The following EIF2AK1 variants were observed in gnomAD, a reference collection of about 807,000 sequenced individuals.
The protein encoded by EIF2AK1 is eukaryotic translation initiation factor 2 alpha kinase 1.
Under a neutral mutation model 77.9 loss-of-function variants are expected in EIF2AK1, and 54 were observed. The ratio of observed to expected loss-of-function variants is 0.69; its 90% CI spans 0.56 to 0.87. The LOEUF is 0.87. EIF2AK1 is among the 40% of genes least tolerant of loss of function. EIF2AK1 has a pLI of 0.00. For missense variants in EIF2AK1, 810 were observed against 768.6 expected (o/e 1.05, Z -0.64); for synonymous variants, 314 against 290.5 (o/e 1.08, Z -0.82).
intron 1 of EIF2AK1, among the ~76,000 whole-genome samples, chr7:6,054,955 A>G (rs970878152): frequency 6.6e-6 from 1 of 152,184 alleles, no homozygotes. Context: ...TGATGTGTCC[A>G]ATAGTACAAA....
rs1209085120 is a variant in EIF2AK1 at position 6,023,402 on chromosome 7, A to G, written c.*1271T>C. 1 of 1,614,140 alleles carries G rather than the reference A, an allele frequency of 6.2e-7. No homozygotes were observed. The highest frequency in any genetic ancestry group is 8.5e-7 in the Non-Finnish European group (1 of 1,180,052). ...TTGTTCTCTCTGTTTGGCCAGAAGC[A>G]TAATGCTGTCAACGCAACCCTTATA... On this transcript the variant is annotated 3_prime_UTR_variant, in exon 15 of 15. Coordinates refer to ENST00000199389, the MANE Select transcript of EIF2AK1 (RefSeq NM_014413.4).
At chr7:6,058,321 G>A in intron 1 of EIF2AK1, 4 of 359,574 alleles carry the variant, frequency 1.1e-5, no homozygotes, top group South Asian at 8.5e-5. Context: ...GGAGGCTAAG[G>A]CTGGAGGATC....
chr7:6,023,215 T>C lies in EIF2AK1; in HGVS notation c.*1458A>G. The stretch of plus-strand genomic sequence containing the variant: ...CCTTTCCCATGTCATCAGTCTGTGG[T>C]GTTTGGTGACTGTCCCCTTCCCCAC... On this transcript the variant is annotated 3_prime_UTR_variant, in exon 15 of 15. Coordinates refer to ENST00000199389, the MANE Select transcript of EIF2AK1 (RefSeq NM_014413.4). The C allele has an allele frequency of 7.1e-7, 1 of 1,412,164 alleles. No individual in the cohort carries two copies. The highest frequency in any genetic ancestry group is 9.5e-7 in the Non-Finnish European group (1 of 1,054,030). 87.5% of individuals were successfully genotyped at this position (1,412,164 alleles called of 1,614,324 possible).
intron 11 of EIF2AK1, among the ~76,000 whole-genome samples, chr7:6,029,702 G>A (rs565326843): frequency 3.1e-4 from 47 of 152,232 alleles, no homozygotes; most frequent in African/African-American, 1.1e-3. Flanking sequence ...ACTGTCCTCG[G>A]CCGGGCACGG....
Position 6,028,612 on chromosome 7 carries a change from T to A in EIF2AK1, c.1530+3A>T, listed in dbSNP as rs1450943992. On this transcript the variant is annotated splice_donor_region_variant and intron_variant, in intron 13 of 14. Transcript: ENST00000199389. ...TGAAAGGGCAGAAAGCAACAAATACTACCTTGGCATCATACTCAGATCCTT... is the reference window on the plus strand; with the variant it reads ...TGAAAGGGCAGAAAGCAACAAATACAACCTTGGCATCATACTCAGATCCTT... The A allele has an allele frequency of 6.2e-7, 1 of 1,613,836 alleles. No homozygotes were observed. Among genetic ancestry groups the A allele is most frequent in the African/African-American group, 1.3e-5 (1 of 74,910 alleles).
At position 6,024,282 on chromosome 7, in the gene EIF2AK1, C is replaced by G; in HGVS notation, c.*391G>C. On this transcript the variant is annotated 3_prime_UTR_variant, in exon 15 of 15. Transcript: ENST00000199389. ...CTGCAGTGTGAAAGGGGCAGGAAGA[C>G]TGGCAGCTGTCAAAACTGGAACAGT... The G allele has an allele frequency of 3.3e-6, 4 of 1,211,244 alleles. No individual in the cohort carries two copies. The highest frequency in any genetic ancestry group is 4.2e-6 in the Non-Finnish European group (4 of 957,226). 75.0% of individuals were successfully genotyped at this position (1,211,244 alleles called of 1,614,324 possible).
At position 6,028,983 on chromosome 7, in the gene EIF2AK1, T is replaced by C. The variant is rs1426240656; in HGVS notation, c.1382A>G (p.Asp461Gly). The change falls in exon 12 of 15, where the codon GAC becomes GGC. Residue 461 changes from aspartate to glycine, a missense_variant. Physicochemically the swap from Asp to Gly is moderately conservative, Grantham distance 94. Coordinates refer to ENST00000199389, the MANE Select transcript of EIF2AK1 (RefSeq NM_014413.4). ...HGPDQQVKIG[D>G]FGLACTDILQ... ...GATGTCTGTGCAGGCCAGACCAAAG[T>C]CTCCTATTTTTACTTGCTGATCAGG... 1.2e-5 allele frequency: 20 copies of C among 1,612,788 alleles called. No individual in the cohort carries two copies. Among genetic ancestry groups the C allele is most frequent in the Non-Finnish European group, 1.6e-5 (19 of 1,179,796 alleles).
chr7:6,049,336 GTTCGAGAC>G (rs906570822), intron 3 of EIF2AK1, among the ~76,000 whole-genome samples: 2 of 152,214 alleles, frequency 1.3e-5, no homozygotes, highest in Non-Finnish European at 2.9e-5. Context: ...GAGGTCAGGA[GTTCGAGAC>G]CAGCCTGGCC....
In EIF2AK1 at chr7:6,032,964, C is replaced by T; in HGVS notation, c.1333-3932G>A. The stretch of plus-strand genomic sequence containing the variant: ...AAGTTAACTCCACCGAAAATCATTT[C>T]TTTTTTTTTCTTTTTTGTTTTGAGG... On this transcript the variant is annotated intron_variant, in intron 11 of 14. Coordinates refer to ENST00000199389, the MANE Select transcript of EIF2AK1 (RefSeq NM_014413.4). The surrounding 1 kb of genome is among the most constrained non-coding windows in gnomAD (Gnocchi z 4.3). The T allele has an allele frequency of 6.6e-7, 1 of 1,512,454 alleles. No individual in the cohort carries two copies. The highest frequency in any genetic ancestry group is 1.2e-5 in the South Asian group (1 of 82,768). The allele number at this position is 1,512,454 out of a possible 1,614,324, so 93.7% of individuals were successfully genotyped here.
At position 6,035,363 on chromosome 7, in the gene EIF2AK1, T is replaced by C. The variant is rs1400097473; in HGVS notation, c.1332+2061A>G. 3 of 1,280,102 alleles carry C rather than the reference T, an allele frequency of 2.3e-6. No individual in the cohort carries two copies. The African/African-American group carries it at 4.5e-5, about 19-fold the overall frequency. 79.3% of individuals were successfully genotyped at this position (1,280,102 alleles called of 1,614,324 possible). ...GAAGGGTCTTACTTTAAATAAATACTGGCTTCTTAAGCATTAACTGTCCAC... is the reference window on the plus strand; with the variant it reads ...GAAGGGTCTTACTTTAAATAAATACCGGCTTCTTAAGCATTAACTGTCCAC... On this transcript the variant is annotated intron_variant, in intron 11 of 14. Coordinates refer to ENST00000199389, the MANE Select transcript of EIF2AK1 (RefSeq NM_014413.4). This position sits in a 1 kb window ranked among gnomAD's most constrained non-coding sequence, Gnocchi z 5.5.
intron 6 of EIF2AK1, among the ~76,000 whole-genome samples, chr7:6,045,641 G>A (rs1363621003): frequency 2.0e-5 from 3 of 151,852 alleles, no homozygotes; most frequent in East Asian, 3.9e-4. Flanking sequence ...ATGTCAGGGA[G>A]AAGACTGACC....
intron 3 of EIF2AK1, 55 bp downstream of exon 3, chr7:6,049,857 T>C (rs566066206): frequency 6.8e-7 from 1 of 1,476,654 alleles, no homozygotes; most frequent in East Asian, 2.3e-5. Flanking sequence ...AATATAATTA[T>C]CTTAAAATTA....
In EIF2AK1 at chr7:6,033,812, G is replaced by A. The variant is rs1218045646; in HGVS notation, c.1332+3612C>T. 3.3e-5 allele frequency among the ~76,000 whole-genome samples: 5 copies of A among 151,236 alleles called. No homozygotes were observed. Among genetic ancestry groups the A allele is most frequent in the Admixed American group, 6.6e-5 (1 of 15,222 alleles). The stretch of plus-strand genomic sequence containing the variant: ...TCTCAATCTCCTGACCTCGTGATCC[G>A]TCCACCTCAGCCTCCCAAAGTGCTG... On this transcript the variant is annotated intron_variant, in intron 11 of 14. Coordinates refer to ENST00000199389, the MANE Select transcript of EIF2AK1 (RefSeq NM_014413.4). The surrounding 1 kb of genome is among the most constrained non-coding windows in gnomAD (Gnocchi z 4.4).
chr7:6,052,201 G>C (rs10268459), intron 2 of EIF2AK1, among the ~76,000 whole-genome samples: 2,112 of 147,626 alleles, frequency 0.014, 57 homozygotes, highest in African/African-American at 0.051. Flanking sequence ...GTCATCTAAA[G>C]AGGCTGTATA....
chr7:6,030,505 G>A (rs979719950), intron 11 of EIF2AK1, among the ~76,000 whole-genome samples: 3 of 151,986 alleles, frequency 2.0e-5, no homozygotes, highest in Non-Finnish European at 4.4e-5. Flanking sequence ...CGAAAAAACT[G>A]ATTTTTTTCT....
intron 1 of EIF2AK1, 26 bp from the exon 2 acceptor site, chr7:6,054,730 T>C (rs1457961478): frequency 6.3e-7 from 1 of 1,592,530 alleles, no homozygotes; most frequent in South Asian, 1.1e-5. Flanking sequence ...GAAAATATTT[T>C]TAAATTAATG....
At chr7:6,029,382 A>T (rs1298552491) in intron 11 of EIF2AK1, among the ~76,000 whole-genome samples, 1 of 151,944 alleles carries the variant, frequency 6.6e-6, no homozygotes, top group African/African-American at 2.4e-5. Context: ...AATCCCTGCT[A>T]CTAGGGAGAC....
In EIF2AK1 at chr7:6,022,781, A is replaced by G. The variant is rs536338261; in HGVS notation, c.*1892T>C. 3 of 153,006 alleles carry G rather than the reference A, an allele frequency of 2.0e-5. No homozygotes were observed. The highest frequency in any genetic ancestry group is 7.2e-5 in the African/African-American group (3 of 41,568). 9.5% of individuals were successfully genotyped at this position (153,006 alleles called of 1,614,324 possible). A position where few individuals can be genotyped will look rare whatever the true frequency, so the allele number is the denominator to read the frequency against. On this transcript the variant is annotated 3_prime_UTR_variant, in exon 15 of 15. Coordinates refer to ENST00000199389, the MANE Select transcript of EIF2AK1 (RefSeq NM_014413.4). ...AGCCATCTTGCCCTCACATTCAAGAACTTACCATCATAGGGACACTGAAGT... is the reference window on the plus strand; with the variant it reads ...AGCCATCTTGCCCTCACATTCAAGAGCTTACCATCATAGGGACACTGAAGT...
In EIF2AK1 at chr7:6,022,812, T is replaced by C. The variant is rs1166113828; in HGVS notation, c.*1861A>G. 1.3e-5 allele frequency: 2 copies of C among 154,604 alleles called. No individual in the cohort carries two copies. The highest frequency in any genetic ancestry group is 2.9e-5 in the Non-Finnish European group (2 of 69,696). The allele number at this position is 154,604 out of a possible 1,614,324, so 9.6% of individuals were successfully genotyped here. A position where few individuals can be genotyped will look rare whatever the true frequency, so the allele number is the denominator to read the frequency against. ...CATCATAGGGACACTGAAGTTATCT[T>C]CTCATATGGCCATATAAAGATAGGA... On this transcript the variant is annotated 3_prime_UTR_variant, in exon 15 of 15. Coordinates refer to ENST00000199389, the MANE Select transcript of EIF2AK1 (RefSeq NM_014413.4).
Sources: gnomAD v4.1 joint callset for allele counts (sites outside exome capture counted in the v4.1 genomes callset) on GRCh38, gnomAD v4.1.1 for gene constraint, Gnocchi (gnomAD v3.1) non-coding constraint, MANE v1.5 for transcripts, NCBI Gene and HGNC (gene_info 2026-07-23, HGNC 2026-07-21) for gene names.